NUMB: variants seen among roughly 807,000 people sequenced by gnomAD.
The protein encoded by NUMB is protein numb homolog.
NUMB carries 29 observed loss-of-function variants against 59.7 expected under a neutral mutation model. That is an observed-to-expected ratio of 0.49 (90% CI 0.36 to 0.66). The LOEUF (loss-of-function observed/expected upper bound fraction) is 0.66. NUMB is among the 30% of genes least tolerant of loss of function. The pLI is 0.00. For synonymous variants in NUMB, 288 were observed against 288.2 expected (o/e 1.00, Z 0.01); for missense variants, 723 against 822.0 (o/e 0.88, Z 1.47).
chr14:73,380,070 G>A (rs998148125), intron 2 of NUMB, among the ~76,000 whole-genome samples: 2 of 152,192 alleles, frequency 1.3e-5, no homozygotes, highest in Non-Finnish European at 2.9e-5. Flanking sequence ...AGTGACAACA[G>A]TAGAGGTATG....
chr14:73,285,084 G>A (rs905314533), intron 9 of NUMB: 1 of 152,196 alleles, frequency 6.6e-6, no homozygotes. Flanking sequence ...CTGACCTCAG[G>A]TGATCCACCT....
chr14:73,333,079 A>G (rs1196350081), intron 4 of NUMB, among the ~76,000 whole-genome samples: 2 of 152,128 alleles, frequency 1.3e-5, no homozygotes, highest in Non-Finnish European at 1.5e-5. Context: ...CCTGTTTTCA[A>G]TTCTTTGGGG....
intron 10 of NUMB, 61 bp from the exon 11 acceptor site, chr14:73,282,566 G>A: frequency 5.1e-6 from 8 of 1,562,820 alleles, no homozygotes; most frequent in Non-Finnish European, 7.0e-6. Context: ...AAATTTGACA[G>A]TATGATGCAA....
chr14:73,337,176 A>C (rs978851459), intron 4 of NUMB, among the ~76,000 whole-genome samples: 6 of 152,086 alleles, frequency 3.9e-5, no homozygotes, highest in Admixed American at 6.6e-5. Context: ...AGTACACGAA[A>C]ACTTTTGCTA....
At chr14:73,329,986 C>T (rs1418120570) in intron 4 of NUMB, among the ~76,000 whole-genome samples, 3 of 152,140 alleles carry the variant, frequency 2.0e-5, no homozygotes, top group Non-Finnish European at 4.4e-5. Context: ...TATTTACCTG[C>T]TTATTTCTTT....
At chr14:73,434,612 T>C (rs1897973210) in intron 1 of NUMB, among the ~76,000 whole-genome samples, 1 of 152,064 alleles carries the variant, frequency 6.6e-6, no homozygotes, top group South Asian at 2.1e-4. Context: ...ACACCTGTAA[T>C]CCCAGCACTC....
intron 2 of NUMB, among the ~76,000 whole-genome samples, chr14:73,386,864 C>CTTTTTTTTTTTT: frequency 2.7e-5 from 2 of 73,822 alleles, no homozygotes; most frequent in East Asian, 1.6e-3. Flanking sequence ...TATCAGGTGT[C>CTTTTTTTTTTTT]TTATTTTTTT....
intron 1 of NUMB, among the ~76,000 whole-genome samples, chr14:73,438,556 G>A (rs938673918): frequency 7.9e-5 from 12 of 151,110 alleles, no homozygotes; most frequent in South Asian, 4.2e-4. Flanking sequence ...GCTTGACCCC[G>A]GGAGGCAGAG....
At chr14:73,330,551 CTG>C (rs1366325670) in intron 4 of NUMB, among the ~76,000 whole-genome samples, 1 of 152,172 alleles carries the variant, frequency 6.6e-6, no homozygotes, top group Non-Finnish European at 1.5e-5. Flanking sequence ...TATTACTTGT[CTG>C]TGTCTCAATT....
At chr14:73,363,318 C>G (rs1387583963) in intron 3 of NUMB, among the ~76,000 whole-genome samples, 1 of 151,648 alleles carries the variant, frequency 6.6e-6, no homozygotes, top group Non-Finnish European at 1.5e-5. Context: ...AAAAAAAAAG[C>G]TCAGACAAAA....
chr14:73,439,820 A>C (rs59923225), intron 1 of NUMB, among the ~76,000 whole-genome samples: 33,110 of 152,046 alleles, frequency 0.22, 3,924 homozygotes, highest in Non-Finnish European at 0.24. Context: ...TTTAAGTCAC[A>C]TGTTTAAGGA....
rs972365549 is a variant in NUMB at position 73,354,762 on chromosome 14, A to C, written c.126+864T>G. Reference sequence around the variant, plus strand: ...AGAATCGCTTGAACCCAGGAGGTGGAGATTGCAGTGAGTTGAGATCATGCC... The same window carrying C: ...AGAATCGCTTGAACCCAGGAGGTGGCGATTGCAGTGAGTTGAGATCATGCC... On this transcript the variant is annotated intron_variant, in intron 4 of 12. Transcript: ENST00000555238. Among the ~76,000 whole-genome samples the C allele has an allele frequency of 3.0e-5, 4 of 133,050 alleles. No homozygotes were observed. The Admixed American group carries it at 3.5e-4, about 12-fold the overall frequency. The allele number at this position is 133,050 out of a possible 152,430, so 87.3% of individuals were successfully genotyped here. A position where few individuals can be genotyped will look rare whatever the true frequency, so the allele number is the denominator to read the frequency against.
At chr14:73,301,370 G>A (rs1236953310) in intron 6 of NUMB, among the ~76,000 whole-genome samples, 1 of 152,198 alleles carries the variant, frequency 6.6e-6, no homozygotes, top group Non-Finnish European at 1.5e-5. Flanking sequence ...GGTCAGTTTA[G>A]AATGGGACTG....
chr14:73,351,506 A>G (rs1359261643), intron 4 of NUMB, among the ~76,000 whole-genome samples: 2 of 152,034 alleles, frequency 1.3e-5, no homozygotes, highest in Admixed American at 1.3e-4. Context: ...TAAATTAATT[A>G]ATTAAATTAA....
intron 2 of NUMB, among the ~76,000 whole-genome samples, chr14:73,384,426 A>G (rs2140083822): frequency 6.6e-6 from 1 of 152,294 alleles, no homozygotes; most frequent in South Asian, 2.1e-4. Flanking sequence ...AGACAAAAAT[A>G]GAACACTCAT....
At chr14:73,345,908 C>CAA in intron 4 of NUMB, among the ~76,000 whole-genome samples, 1 of 146,782 alleles carries the variant, frequency 6.8e-6, no homozygotes, top group South Asian at 2.2e-4. Context: ...GACTTCATCT[C>CAA]AAAAAAAAAC....
At chr14:73,369,044 CTTT>C (rs66895849) in intron 2 of NUMB, among the ~76,000 whole-genome samples, 26 of 133,862 alleles carry the variant, frequency 1.9e-4, no homozygotes, top group East Asian at 6.5e-4. Context: ...AGAACATTTT[CTTT>C]TTTTTTTTTT....
intron 1 of NUMB, among the ~76,000 whole-genome samples, chr14:73,422,812 C>G (rs543358209): frequency 6.6e-6 from 1 of 151,862 alleles, no homozygotes; most frequent in Non-Finnish European, 1.5e-5. Context: ...ATTCAATCAC[C>G]CCCCTGGCCC....
rs945330848 is a variant in NUMB, at chr14:73,351,365, G to A, written c.126+4261C>T. On this transcript the variant is annotated intron_variant, in intron 4 of 12. Transcript: ENST00000555238. ...CACGTGCCTATAGTCCTAGCTACTC[G>A]GGAGGCTAAGGCAGGAGCATCATTT... 1.1e-4 allele frequency among the ~76,000 whole-genome samples: 16 copies of A among 152,026 alleles called. 1 individual carries two copies. Among genetic ancestry groups the A allele is most frequent in the African/African-American group, 2.9e-4 (12 of 41,410 alleles).
Sources: gnomAD v4.1 joint callset for allele counts (sites outside exome capture counted in the v4.1 genomes callset) on GRCh38, gnomAD v4.1.1 for gene constraint, MANE v1.5 for transcripts, NCBI Gene and HGNC (gene_info 2026-07-23, HGNC 2026-07-21) for gene names.